GATA4: variants seen among roughly 807,000 people sequenced by gnomAD.
GATA4 encodes transcription factor GATA-4.
Under a neutral mutation model 37.9 loss-of-function variants are expected in GATA4, and 7 were observed. That is an observed-to-expected ratio of 0.18 (90% CI 0.11 to 0.35). The LOEUF is 0.35. Ranked by LOEUF, GATA4 falls within the 10% of genes least tolerant of loss-of-function variation. The pLI, the probability that GATA4 is intolerant of heterozygous loss-of-function variation, is 1.00. For synonymous variants in GATA4, 372 were observed against 292.6 expected, an observed-to-expected ratio of 1.27 and a Z score of -2.77; for missense variants, 647 against 653.0, an observed-to-expected ratio of 0.99 and a Z score of 0.10.
At chr8:11,757,795 A>G (rs1224315126) in intron 6 of GATA4, among the ~76,000 whole-genome samples, 1 of 152,202 alleles carries the variant, frequency 6.6e-6, no homozygotes, top group African/African-American at 2.4e-5. Context: ...TGGGACCAGG[A>G]TGCACCAAGC....
At chr8:11,680,894 G>A (rs1250515340) in intron 1 of GATA4, 3 of 985,230 alleles carry the variant, frequency 3.0e-6, no homozygotes, top group Admixed American at 6.1e-5. Flanking sequence ...CCCTGTGTGA[G>A]ACCCCTAAAG....
chr8:11,706,647 A>G (rs1473723809), intron 1 of GATA4, among the ~76,000 whole-genome samples: 1 of 152,228 alleles, frequency 6.6e-6, no homozygotes, highest in East Asian at 1.9e-4. Flanking sequence ...TTGTAAATCT[A>G]CTATTGAAAT....
chr8:11,679,182 G>A (rs1402066120), intron 1 of GATA4, among the ~76,000 whole-genome samples: 1 of 149,076 alleles, frequency 6.7e-6, no homozygotes, highest in Non-Finnish European at 1.5e-5. Context: ...ATAATTGCGG[G>A]GGGGGGCACT....
At chr8:11,740,097 C>T (rs541952361) in intron 2 of GATA4, among the ~76,000 whole-genome samples, 35 of 152,316 alleles carry the variant, frequency 2.3e-4, no homozygotes, top group African/African-American at 7.2e-4. Context: ...CCAGGGCTCC[C>T]CTGGTTGTAT....
chr8:11,692,093 A>T, upstream of GATA4: 1 of 978,850 alleles, frequency 1.0e-6, no homozygotes. Flanking sequence ...AGGGAAGGTG[A>T]CAGGTGAGGC....
intron 1 of GATA4, chr8:11,683,241 G>C (rs1799033392): frequency 1.6e-6 from 1 of 638,956 alleles, no homozygotes; most frequent in Non-Finnish European, 1.9e-6. Context: ...ACGGAGGGAC[G>C]GGGCTGGCGT....
Position 11,757,138 on chromosome 8 carries a change from T to A in GATA4, c.1149+55T>A. The stretch of plus-strand genomic sequence containing the variant: ...GTTTGTGGGGAGGCCGACTGCAGAG[T>A]CCCAGAGGCCAGCCTAGTACTGGGT... On this transcript the variant is annotated intron_variant, in intron 6 of 6. Coordinates refer to ENST00000532059, the MANE Select transcript of GATA4 (RefSeq NM_001308093.3). 3.7e-6 allele frequency: 6 copies of A among 1,606,720 alleles called. No homozygotes were observed. In the South Asian group the frequency reaches 6.6e-5, roughly 18 times the overall value.
At chr8:11,757,287 G>A (rs1436276147) in intron 6 of GATA4, among the ~76,000 whole-genome samples, 1 of 152,236 alleles carries the variant, frequency 6.6e-6, no homozygotes, top group African/African-American at 2.4e-5. Context: ...GCATCGGGCT[G>A]TATTTCAGGA....
rs766590532 is a variant in GATA4 at position 11,708,437 on chromosome 8, C to A, written c.125C>A (p.Pro42Gln). The change falls in exon 2 of 7, where the codon CCG becomes CAG. Residue 42 changes from proline to glutamine, a missense_variant. Pro to Gln is a moderately conservative substitution (Grantham distance 76). Around this residue, in one of 5 missense-constraint regions of GATA4, gnomAD observed 379 missense variants for 334.5 expected, o/e 1.13. Coordinates refer to ENST00000532059, the MANE Select transcript of GATA4 (RefSeq NM_001308093.3). The surrounding 1 kb of genome is among the most constrained non-coding windows in gnomAD (Gnocchi z 6.7). ...AASSPVYVPT[P>Q]RVPSSVLGLS... ...TCCTCGCCAGTCTACGTGCCCACAC[C>A]GCGGGTGCCCTCCTCCGTGCTGGGC... The A allele has an allele frequency of 2.0e-6, 3 of 1,534,154 alleles. No individual in the cohort carries two copies. Among genetic ancestry groups the A allele is most frequent in the African/African-American group, 2.7e-5 (2 of 73,146 alleles).
At chr8:11,704,080 C>G (rs1799781945), upstream of GATA4, 1 of 152,376 alleles carries the variant, frequency 6.6e-6, no homozygotes, top group Non-Finnish European at 1.5e-5. Flanking sequence ...AGTCCCGCAG[C>G]CTGCGCCCAG....
chr8:11,704,921 C>G (rs1034097987), intron 1 of GATA4, among the ~76,000 whole-genome samples: 1 of 152,230 alleles, frequency 6.6e-6, no homozygotes, highest in Non-Finnish European at 1.5e-5. Context: ...CTCACCACCC[C>G]ACCTGCCCGC....
chr8:11,710,100 C>T (rs1351309825), intron 2 of GATA4, among the ~76,000 whole-genome samples: 1 of 152,198 alleles, frequency 6.6e-6, no homozygotes, highest in Non-Finnish European at 1.5e-5. Context: ...CCGAGAAGGG[C>T]CTAGGCTTTG....
In GATA4 at chr8:11,755,127, C is replaced by T. The variant is rs768967856; in HGVS notation, c.994C>T (p.Pro332Ser). 6 of 1,612,150 alleles carry T rather than the reference C, an allele frequency of 3.7e-6. No individual in the cohort carries two copies. In the African/African-American group the frequency reaches 8.0e-5, roughly 22 times the overall value. The change falls in exon 5 of 7, where the codon CCA becomes TCA. Residue 332 changes from proline to serine, a missense_variant. Around this residue, in one of 5 missense-constraint regions of GATA4, gnomAD observed 184 missense variants for 157.1 expected, o/e 1.17. Transcript: ENST00000532059. ...KPKNLNKSKT[P>S]AAPSGSESLP... ...CAAGAACCTGAATAAATCTAAGACA[C>T]CAGCAGGTGAGGAAAAGATCTGTGA...
At chr8:11,726,629 C>T (rs922581793) in intron 2 of GATA4, among the ~76,000 whole-genome samples, 6 of 152,042 alleles carry the variant, frequency 3.9e-5, no homozygotes, top group Admixed American at 6.5e-5. Flanking sequence ...GGAGTGGGGG[C>T]GGTGCAGAGG....
chr8:11,732,502 G>T (rs1030624046), intron 2 of GATA4, among the ~76,000 whole-genome samples: 1 of 152,232 alleles, frequency 6.6e-6, no homozygotes, highest in Non-Finnish European at 1.5e-5. Flanking sequence ...AACAGAAGGA[G>T]AGAGGTTGGG....
At chr8:11,736,698 G>C (rs1318933845) in intron 2 of GATA4, among the ~76,000 whole-genome samples, 3 of 152,222 alleles carry the variant, frequency 2.0e-5, no homozygotes, top group Admixed American at 1.3e-4. Context: ...GGCTTCCTCA[G>C]ATTAGATTTT....
chr8:11,723,699 T>G (rs560166676), intron 2 of GATA4, among the ~76,000 whole-genome samples: 1 of 152,240 alleles, frequency 6.6e-6, no homozygotes, highest in Non-Finnish European at 1.5e-5. Context: ...GTACCCCTCC[T>G]ACCCCAAAGA....
intron 1 of GATA4, among the ~76,000 whole-genome samples, chr8:11,679,107 T>A (rs1751139506): frequency 6.7e-6 from 1 of 148,618 alleles, no homozygotes; most frequent in Non-Finnish European, 1.5e-5. Context: ...TAGGGTTAAA[T>A]TCAAGCCATC....
intron 2 of GATA4, among the ~76,000 whole-genome samples, chr8:11,745,330 T>C (rs1801974933): frequency 6.7e-6 from 1 of 149,150 alleles, no homozygotes; most frequent in African/African-American, 2.5e-5. Flanking sequence ...TCCCAGAACT[T>C]TGGAAGGCTG....
Sources: allele counts gnomAD v4.1 joint callset (sites outside exome capture counted in the v4.1 genomes callset), GRCh38; gene constraint gnomAD v4.1.1; regional missense constraint gnomAD v4.1.1; non-coding constraint Gnocchi (gnomAD v3.1); transcripts MANE v1.5; gene names NCBI Gene and HGNC (gene_info 2026-07-23, HGNC 2026-07-21).